The following PBX1 variants were observed in gnomAD, a reference collection of about 807,000 sequenced individuals.
PBX1 encodes PBX homeobox 1.
A neutral mutation model predicts 53.4 loss-of-function variants in PBX1; 6 were observed. The observed-to-expected ratio is 0.11, with a 90% CI of 0.06 to 0.22. The LOEUF (loss-of-function observed/expected upper bound fraction) is 0.22. Among genes scored for constraint, PBX1 ranks in the 10% least tolerant of loss-of-function variants. The pLI, the probability that PBX1 is intolerant of heterozygous loss-of-function variation, is 1.00. For missense variants in PBX1, 251 were observed against 551.4 expected, an observed-to-expected ratio of 0.46 and a Z score of 5.46; for synonymous variants, 204 against 212.3, an observed-to-expected ratio of 0.96 and a Z score of 0.34.
Position 164,599,848 on chromosome 1 carries a change from CT to C in PBX1, c.265+36538del, listed in dbSNP as rs1473342214. On this transcript the variant is annotated intron_variant, in intron 2 of 8. Transcript: ENST00000420696. ...AAAGAGCTGGCTTTGTACAAACCCC[CT>C]CTCCCCGCTTTTTTTTTCTTCTTTT... Among the ~76,000 whole-genome samples the C allele has an allele frequency of 3.3e-5, 5 of 152,274 alleles. No individual in the cohort carries two copies. In the East Asian group the frequency reaches 9.6e-4, roughly 29 times the overall value.
At chr1:164,837,967 G>A (rs535859917) in intron 8 of PBX1, among the ~76,000 whole-genome samples, 3 of 152,216 alleles carry the variant, frequency 2.0e-5, no homozygotes, top group East Asian at 1.9e-4. Flanking sequence ...CTGGATCTTC[G>A]CAACAGATTC....
At chr1:164,668,889 A>G (rs1404236823) in intron 2 of PBX1, among the ~76,000 whole-genome samples, 1 of 152,236 alleles carries the variant, frequency 6.6e-6, no homozygotes, top group Non-Finnish European at 1.5e-5. Flanking sequence ...TTAAGGATTA[A>G]TTAAAAATAA....
chr1:164,663,282 C>T (rs1383895663), intron 2 of PBX1, among the ~76,000 whole-genome samples: 1 of 151,384 alleles, frequency 6.6e-6, no homozygotes, highest in East Asian at 1.9e-4. Flanking sequence ...GCCTGCCTGC[C>T]TTCCTACCTG....
downstream of PBX1, among the ~76,000 whole-genome samples, chr1:164,855,963 A>G (rs28547371): frequency 0.02 from 2,983 of 152,286 alleles, 83 homozygotes; most frequent in African/African-American, 0.063. Context: ...ATTCATATAC[A>G]TATTTGAGAT....
intron 8 of PBX1, among the ~76,000 whole-genome samples, chr1:164,845,901 A>G (rs1305984068): frequency 6.6e-6 from 1 of 152,152 alleles, no homozygotes; most frequent in Non-Finnish European, 1.5e-5. Flanking sequence ...TGCTCCCTCT[A>G]TGAAGTATTT....
chr1:164,699,958 A>T (rs990344813), intron 2 of PBX1, among the ~76,000 whole-genome samples: 3 of 152,190 alleles, frequency 2.0e-5, no homozygotes, highest in Non-Finnish European at 4.4e-5. Context: ...AATGTGATGG[A>T]TAGAGAAATA....
At chr1:164,697,020 TCTC>T (rs1435034846) in intron 2 of PBX1, among the ~76,000 whole-genome samples, 1 of 152,222 alleles carries the variant, frequency 6.6e-6, no homozygotes, top group Non-Finnish European at 1.5e-5. Context: ...ATGTCCGTCT[TCTC>T]AATACTGCAA....
chr1:164,624,942 T>G (rs1402067466), intron 2 of PBX1, among the ~76,000 whole-genome samples: 1 of 152,242 alleles, frequency 6.6e-6, no homozygotes. Context: ...AATAGGTTTA[T>G]AAAGATTTTC....
At chr1:164,784,336 C>T (rs1668070672) in intron 2 of PBX1, among the ~76,000 whole-genome samples, 1 of 152,204 alleles carries the variant, frequency 6.6e-6, no homozygotes. Flanking sequence ...GGCACCCATC[C>T]AGAAAGGCAG....
intron 2 of PBX1, among the ~76,000 whole-genome samples, chr1:164,747,414 C>T (rs995025307): frequency 1.3e-5 from 2 of 151,840 alleles, no homozygotes; most frequent in Admixed American, 1.3e-4. Flanking sequence ...AAGCTATTCA[C>T]AGAAGATAAC....
Position 164,559,814 on chromosome 1 carries a change from C to G in PBX1, c.-9C>G, listed in dbSNP as rs187406949. On this transcript the variant is annotated 5_prime_UTR_variant, in exon 1 of 9. Transcript: ENST00000420696. ...GAGGAAGAGCCGGGGGCTGCCGTAGCCTTTGGAGATGGACGAGCAGCCCAG... is the reference window on the plus strand; with the variant it reads ...GAGGAAGAGCCGGGGGCTGCCGTAGGCTTTGGAGATGGACGAGCAGCCCAG... The G allele has an allele frequency of 2.5e-3, 3,830 of 1,542,578 alleles. 74 individuals carry two copies. The African/African-American group carries it at 0.047, about 19-fold the overall frequency.
Position 164,847,824 on chromosome 1 carries a change from G to A in PBX1, c.*1148G>A. ...CCAGGACCTGCAGGCCCACTAGCGT[G>A]CACTTACCAGAATGGCATACACAGG... On this transcript the variant is annotated 3_prime_UTR_variant, in exon 9 of 9. Coordinates refer to ENST00000420696, the MANE Select transcript of PBX1 (RefSeq NM_002585.4). 9.5e-7 allele frequency: 1 copy of A among 1,054,914 alleles called. No individual in the cohort carries two copies. The allele number at this position is 1,054,914 out of a possible 1,614,324, so 65.3% of individuals were successfully genotyped here. A position where few individuals can be genotyped will look rare whatever the true frequency, so the allele number is the denominator to read the frequency against.
At chr1:164,577,523 A>C (rs1262619111) in intron 2 of PBX1, among the ~76,000 whole-genome samples, 1 of 152,224 alleles carries the variant, frequency 6.6e-6, no homozygotes, top group African/African-American at 2.4e-5. Flanking sequence ...CTGTCATCAT[A>C]CACATGCCTA....
chr1:164,874,016 AAAAAG>A (rs1672443377), intron 2 of PBX1, among the ~76,000 whole-genome samples: 1 of 151,662 alleles, frequency 6.6e-6, no homozygotes, highest in Admixed American at 6.6e-5. Flanking sequence ...AGAAAAAAAA[AAAAAG>A]AAAAAGAGGC....
At chr1:164,626,394 A>G (rs12729488) in intron 2 of PBX1, among the ~76,000 whole-genome samples, 12,855 of 152,168 alleles carry the variant, frequency 0.084, 1,004 homozygotes, top group East Asian at 0.38. Flanking sequence ...AGGGCTGAGC[A>G]TTTCTTTGCC....
intron 2 of PBX1, among the ~76,000 whole-genome samples, chr1:164,579,684 T>C (rs1429225025): frequency 6.6e-6 from 1 of 152,174 alleles, no homozygotes; most frequent in African/African-American, 2.4e-5. Context: ...TTTATACTTG[T>C]GTGCTCCAAG....
intron 2 of PBX1, among the ~76,000 whole-genome samples, chr1:164,715,733 A>G (rs1006149532): frequency 6.6e-6 from 1 of 152,196 alleles, no homozygotes; most frequent in Non-Finnish European, 1.5e-5. Flanking sequence ...CTTCTAAAAT[A>G]GGATTTTGTG....
chr1:164,636,719 A>G (rs1466332557), intron 2 of PBX1, among the ~76,000 whole-genome samples: 1 of 152,130 alleles, frequency 6.6e-6, no homozygotes, highest in Non-Finnish European at 1.5e-5. Flanking sequence ...TTTCTTCTCA[A>G]CTTGGCTGTA....
chr1:164,596,697 G>C (rs1018267662), intron 2 of PBX1, among the ~76,000 whole-genome samples: 1 of 152,116 alleles, frequency 6.6e-6, no homozygotes. Context: ...TTTAGACACA[G>C]CATTTAACTT....
Sources: allele counts gnomAD v4.1 joint callset (sites outside exome capture counted in the v4.1 genomes callset), GRCh38; gene constraint gnomAD v4.1.1; transcripts MANE v1.5; gene names NCBI Gene and HGNC (gene_info 2026-07-23, HGNC 2026-07-21).